The following ATXN1 variants were observed in gnomAD, a reference collection of about 807,000 sequenced individuals.
The protein encoded by ATXN1 is ataxin 1.
Under a neutral mutation model 56.4 loss-of-function variants are expected in ATXN1, and 8 were observed. The ratio of observed to expected loss-of-function variants is 0.14; its 90% CI spans 0.08 to 0.26. The LOEUF (loss-of-function observed/expected upper bound fraction) is 0.26. Ranked by LOEUF, ATXN1 falls within the 10% of genes least tolerant of loss-of-function variation. The probability of loss-of-function intolerance (pLI) is 1.00; values close to 1 mark genes in which losing one functional copy is unlikely to be tolerated. For missense variants in ATXN1, 987 were observed against 1,106.5 expected, an observed-to-expected ratio of 0.89 and a Z score of 1.53; for synonymous variants, 514 against 494.6, an observed-to-expected ratio of 1.04 and a Z score of -0.52.
intron 1 of ATXN1, among the ~76,000 whole-genome samples, chr6:16,759,196 A>C (rs1760981313): frequency 6.6e-6 from 1 of 152,268 alleles, no homozygotes; most frequent in Admixed American, 6.5e-5. Flanking sequence ...AAATATTAAA[A>C]ACAGCCTGCA....
chr6:16,334,350 A>G (rs1486707093), intron 6 of ATXN1, among the ~76,000 whole-genome samples: 2 of 152,184 alleles, frequency 1.3e-5, no homozygotes, highest in African/African-American at 2.4e-5. Flanking sequence ...TCAATGAAAG[A>G]GCCCAGAAAG....
At chr6:16,512,788 G>A (rs1400991000) in intron 5 of ATXN1, among the ~76,000 whole-genome samples, 2 of 152,172 alleles carry the variant, frequency 1.3e-5, no homozygotes, top group Admixed American at 6.5e-5. Flanking sequence ...ACAGAAGAAT[G>A]TACTTTAAAA....
chr6:16,537,041 C>CT (rs368470065), intron 4 of ATXN1, among the ~76,000 whole-genome samples: 48,771 of 142,908 alleles, frequency 0.34, 8,002 homozygotes, highest in Admixed American at 0.36. Flanking sequence ...AATGTAAAAT[C>CT]TTTTTTTTTT....
intron 2 of ATXN1, among the ~76,000 whole-genome samples, chr6:16,721,224 CTACT>C (rs752387568): frequency 2.0e-5 from 3 of 152,218 alleles, no homozygotes; most frequent in Non-Finnish European, 2.9e-5. Context: ...AAATCAGGAG[CTACT>C]ACGAACAAGG....
At chr6:16,348,065 A>G (rs1761469363) in intron 6 of ATXN1, among the ~76,000 whole-genome samples, 1 of 152,170 alleles carries the variant, frequency 6.6e-6, no homozygotes, top group Non-Finnish European at 1.5e-5. Context: ...ACTCACCGCA[A>G]GGGTCCACGG....
chr6:16,390,059 G>C (rs1758320900), intron 6 of ATXN1, among the ~76,000 whole-genome samples: 1 of 152,178 alleles, frequency 6.6e-6, no homozygotes, highest in Non-Finnish European at 1.5e-5. Context: ...GGATAGTGAA[G>C]CTTGTTCAAG....
chr6:16,477,525 G>A (rs574486843), intron 6 of ATXN1, among the ~76,000 whole-genome samples: 2 of 152,284 alleles, frequency 1.3e-5, no homozygotes, highest in South Asian at 2.1e-4. Context: ...GAAGGCTCTC[G>A]TTACACTGGA....
intron 6 of ATXN1, among the ~76,000 whole-genome samples, chr6:16,433,541 G>A (rs532489031): frequency 1.2e-4 from 18 of 152,284 alleles, no homozygotes; most frequent in East Asian, 3.9e-4. Context: ...CCTTTGTCAC[G>A]TGCAGCCCAG....
At chr6:16,703,447 T>C (rs55892705) in intron 2 of ATXN1, among the ~76,000 whole-genome samples, 102,607 of 151,746 alleles carry the variant, frequency 0.68, 34,747 homozygotes, top group East Asian at 0.75. Context: ...AACCTGCAAG[T>C]TGTGCACATC....
chr6:16,699,533 C>T (rs1354939042), intron 2 of ATXN1, among the ~76,000 whole-genome samples: 2 of 152,162 alleles, frequency 1.3e-5, no homozygotes, highest in East Asian at 3.8e-4. Flanking sequence ...TGTTTATTCA[C>T]AGCTTTACCT....
intron 4 of ATXN1, among the ~76,000 whole-genome samples, chr6:16,532,432 G>C (rs900354071): frequency 4.6e-5 from 7 of 152,090 alleles, no homozygotes; most frequent in Non-Finnish European, 1.0e-4. Context: ...AAGGGAACAG[G>C]CTGCCCCATG....
intron 4 of ATXN1, among the ~76,000 whole-genome samples, chr6:16,546,483 T>G (rs1371018865): frequency 6.6e-6 from 1 of 152,140 alleles, no homozygotes; most frequent in Non-Finnish European, 1.5e-5. Flanking sequence ...ACCACTCCCT[T>G]CAGACGTTTT....
intron 3 of ATXN1, among the ~76,000 whole-genome samples, chr6:16,634,975 G>A (rs1763567778): frequency 6.6e-6 from 1 of 152,114 alleles, no homozygotes; most frequent in Admixed American, 6.5e-5. Flanking sequence ...TAGAGCAGGG[G>A]TTCCCAACCC....
At chr6:16,434,269 T>C (rs1759345319) in intron 6 of ATXN1, among the ~76,000 whole-genome samples, 1 of 152,204 alleles carries the variant, frequency 6.6e-6, no homozygotes, top group African/African-American at 2.4e-5. Context: ...AGAAAAGAGA[T>C]GGCATGCAAA....
intron 2 of ATXN1, among the ~76,000 whole-genome samples, chr6:16,685,505 A>C (rs1282068511): frequency 2.0e-5 from 3 of 152,214 alleles, no homozygotes; most frequent in Non-Finnish European, 4.4e-5. Context: ...CACCACACGC[A>C]CACAAAAACA....
intron 2 of ATXN1, chr6:16,739,309 G>C (rs1760252128): frequency 6.6e-6 from 1 of 152,318 alleles, no homozygotes; most frequent in South Asian, 2.1e-4. Context: ...TAGAAATCCA[G>C]GGAGAAAATT....
At chr6:16,461,914 G>C (rs1483911530) in intron 6 of ATXN1, among the ~76,000 whole-genome samples, 1 of 152,140 alleles carries the variant, frequency 6.6e-6, no homozygotes, top group Non-Finnish European at 1.5e-5. Context: ...TGGCCTTGTT[G>C]AGAATCCAAA....
At chr6:16,634,140 T>C (rs1325232884) in intron 3 of ATXN1, among the ~76,000 whole-genome samples, 1 of 152,234 alleles carries the variant, frequency 6.6e-6, no homozygotes, top group Admixed American at 6.5e-5. Flanking sequence ...ATACAATCAC[T>C]ACTCTTTCTT....
chr6:16,347,113 A>ACCT (rs1761426497), intron 6 of ATXN1, among the ~76,000 whole-genome samples: 1 of 151,498 alleles, frequency 6.6e-6, no homozygotes, highest in African/African-American at 2.4e-5. Flanking sequence ...CCATGCCTGA[A>ACCT]CCTCCCCCTG....
Sources: allele counts gnomAD v4.1 joint callset (sites outside exome capture counted in the v4.1 genomes callset), GRCh38; gene constraint gnomAD v4.1.1; transcripts MANE v1.5; gene names NCBI Gene and HGNC (gene_info 2026-07-23, HGNC 2026-07-21).